The following SPATA13 variants were observed in gnomAD, a reference collection of about 807,000 sequenced individuals.
The protein encoded by SPATA13 is spermatogenesis-associated protein 13.
In SPATA13, 50 loss-of-function variants were observed where a neutral mutation model predicts 104.0. That is an observed-to-expected ratio of 0.48 (90% CI 0.38 to 0.61). The LOEUF is 0.61. SPATA13 is among the 20% of genes least tolerant of loss of function. The pLI, the probability that SPATA13 is intolerant of heterozygous loss-of-function variation, is 0.00. For synonymous variants in SPATA13, 606 were observed against 667.5 expected (o/e 0.91, Z 1.42); for missense variants, 1,524 against 1,690.6 (o/e 0.90, Z 1.73).
intron 2 of SPATA13, among the ~76,000 whole-genome samples, chr13:23,984,703 G>A (rs1875067229): frequency 6.6e-6 from 1 of 152,220 alleles, no homozygotes; most frequent in African/African-American, 2.4e-5. Flanking sequence ...TGCACTGCTT[G>A]GACAAGATCC....
chr13:24,149,658 G>A (rs1433424914), intron 3 of SPATA13, among the ~76,000 whole-genome samples: 1 of 152,112 alleles, frequency 6.6e-6, no homozygotes, highest in African/African-American at 2.4e-5. Context: ...TAAAAGCTTG[G>A]ATTTGAATCA....
chr13:24,057,559 G>A (rs1878609045), intron 3 of SPATA13, among the ~76,000 whole-genome samples: 1 of 152,026 alleles, frequency 6.6e-6, no homozygotes. Context: ...TGAAAGGACT[G>A]GTGCAGGGCT....
rs1191377298 is a variant in SPATA13 at position 24,011,035 on chromosome 13, A to G, written c.-146-6632A>G. 6.6e-6 allele frequency among the ~76,000 whole-genome samples: 1 copy of G among 151,850 alleles called. No individual in the cohort carries two copies. Among genetic ancestry groups the G allele is most frequent in the African/African-American group, 2.4e-5 (1 of 41,330 alleles). On this transcript the variant is annotated intron_variant, in intron 2 of 14. Coordinates refer to the SPATA13 transcript ENST00000424834. This position sits in a 1 kb window ranked among gnomAD's most constrained non-coding sequence, Gnocchi z 4.3. ...CTTCTGTCTTTCCCTCTGCACCCAT[A>G]CTGCTGGGATATGCCTGCACTCTGC...
intron 1 of SPATA13, among the ~76,000 whole-genome samples, chr13:24,166,718 A>G (rs1882746800): frequency 6.6e-6 from 1 of 152,184 alleles, no homozygotes; most frequent in Non-Finnish European, 1.5e-5. Flanking sequence ...AACCACAGAA[A>G]TATTTGAAAG....
chr13:24,222,386 C>T (rs962818094), intron 1 of SPATA13, among the ~76,000 whole-genome samples: 7 of 152,156 alleles, frequency 4.6e-5, no homozygotes, highest in African/African-American at 9.7e-5. Context: ...TTTGAGTATT[C>T]GGTATGTTGG....
chr13:24,061,951 G>T (rs1878788153), intron 3 of SPATA13, among the ~76,000 whole-genome samples: 1 of 151,516 alleles, frequency 6.6e-6, no homozygotes, highest in African/African-American at 2.4e-5. Flanking sequence ...AAGCCACACA[G>T]CTAGCTGGTA....
chr13:24,046,496 G>A (rs1878150178), intron 3 of SPATA13, among the ~76,000 whole-genome samples: 1 of 116,006 alleles, frequency 8.6e-6, no homozygotes, highest in South Asian at 2.4e-4. Flanking sequence ...TGTTGCCCAG[G>A]CTAGTGTCTT....
At chr13:24,240,031 G>A (rs1872756259) in intron 2 of SPATA13, among the ~76,000 whole-genome samples, 3 of 151,788 alleles carry the variant, frequency 2.0e-5, no homozygotes, top group Admixed American at 1.3e-4. Context: ...ACGACCGGGT[G>A]TGGTGGCTCA....
At chr13:24,135,630 G>A (rs1881537154) in intron 3 of SPATA13, among the ~76,000 whole-genome samples, 1 of 150,006 alleles carries the variant, frequency 6.7e-6, no homozygotes, top group South Asian at 2.1e-4. Flanking sequence ...CCCGGGAGGC[G>A]GAGCTTGCAG....
chr13:24,169,459 G>A (rs990646453), intron 1 of SPATA13, among the ~76,000 whole-genome samples: 1 of 152,202 alleles, frequency 6.6e-6, no homozygotes, highest in Non-Finnish European at 1.5e-5. Context: ...AATCAGTCTG[G>A]GTTCTATTTG....
At position 24,002,991 on chromosome 13, in the gene SPATA13, T is replaced by C. The variant is rs140708666; in HGVS notation, c.-146-14676T>C. Among the ~76,000 whole-genome samples, 10 of 152,344 alleles carry C rather than the reference T, an allele frequency of 6.6e-5. No individual in the cohort carries two copies. The East Asian group carries it at 1.9e-3, about 29-fold the overall frequency. On this transcript the variant is annotated intron_variant, in intron 2 of 14. Transcript: ENST00000424834. ...GAACAGAGAAAATTGCCATCATTTG[T>C]TCTTCTTCTGTTAATTCTCCCTATG... is the stretch of plus-strand genomic sequence containing the variant.
At chr13:24,025,647 T>C (rs1877176431) in intron 3 of SPATA13, among the ~76,000 whole-genome samples, 1 of 152,226 alleles carries the variant, frequency 6.6e-6, no homozygotes, top group Non-Finnish European at 1.5e-5. Context: ...GGTTTTCAAA[T>C]TTCTGCCAAT....
chr13:24,034,067 G>A (rs1266235857), intron 3 of SPATA13: 2 of 152,084 alleles, frequency 1.3e-5, no homozygotes, highest in African/African-American at 4.8e-5. Flanking sequence ...GAGCCATAAG[G>A]GTGGCTTCCT....
At chr13:24,086,827 A>C (rs912137) in intron 3 of SPATA13, among the ~76,000 whole-genome samples, 74,571 of 151,304 alleles carry the variant, frequency 0.49, 18,819 homozygotes, top group Admixed American at 0.59. Flanking sequence ...TAGTGGCAGC[A>C]GCTGAAGCCA....
chr13:24,293,060 G>A (rs139466835), intron 9 of SPATA13, among the ~76,000 whole-genome samples: 1 of 143,806 alleles, frequency 7.0e-6, no homozygotes, highest in African/African-American at 2.6e-5. Context: ...CAATTAGATT[G>A]GAAAGTAAAG....
chr13:24,040,800 T>TA (rs1284284578), intron 3 of SPATA13, among the ~76,000 whole-genome samples: 1 of 152,182 alleles, frequency 6.6e-6, no homozygotes, highest in Non-Finnish European at 1.5e-5. Flanking sequence ...CTTTTGCTGA[T>TA]TGTTTGCTGT....
chr13:23,980,893 A>G (rs1194990339), intron 1 of SPATA13, among the ~76,000 whole-genome samples: 1 of 152,120 alleles, frequency 6.6e-6, no homozygotes, highest in Non-Finnish European at 1.5e-5. Flanking sequence ...CGCCTGGCCA[A>G]CAAAGTTTTT....
chr13:24,015,042 C>T (rs1876647384), intron 2 of SPATA13, among the ~76,000 whole-genome samples: 1 of 152,046 alleles, frequency 6.6e-6, no homozygotes, highest in Non-Finnish European at 1.5e-5. Context: ...AGGTACCCGC[C>T]ACCACGCCTG....
intron 3 of SPATA13, among the ~76,000 whole-genome samples, chr13:24,082,316 C>T (rs1340222513): frequency 6.6e-6 from 1 of 152,160 alleles, no homozygotes; most frequent in African/African-American, 2.4e-5. Context: ...GTGCTGAGCT[C>T]GGAGTGATTT....
Sources: gnomAD v4.1 joint callset for allele counts (sites outside exome capture counted in the v4.1 genomes callset) on GRCh38, gnomAD v4.1.1 for gene constraint, Gnocchi (gnomAD v3.1) non-coding constraint, MANE v1.5 for transcripts, NCBI Gene and HGNC (gene_info 2026-07-23, HGNC 2026-07-21) for gene names.